Variants in RNF168 observed in about 807,000 individuals in gnomAD.
RNF168 encodes the protein ring finger protein 168, also known as E3 ubiquitin-protein ligase RNF168.
In RNF168, 34 loss-of-function variants were observed where a neutral mutation model predicts 34.9. The observed-to-expected ratio is 0.97, with a 90% CI of 0.74 to 1.30. The LOEUF (loss-of-function observed/expected upper bound fraction) is 1.30, where lower values mean the gene tolerates loss of function less well. RNF168 is among the 50% of genes most tolerant of loss of function. RNF168 has a pLI of 0.00. For missense variants in RNF168, 725 were observed against 682.5 expected, an observed-to-expected ratio of 1.06 and a Z score of -0.69; for synonymous variants, 264 against 254.7, an observed-to-expected ratio of 1.04 and a Z score of -0.35.
At chr3:196,485,698 C>T (rs1732406225) in intron 3 of RNF168, among the ~76,000 whole-genome samples, 2 of 151,940 alleles carry the variant, frequency 1.3e-5, no homozygotes, top group South Asian at 2.1e-4. Flanking sequence ...AATTTGGGTA[C>T]ATTATTATTA....
rs766611162 is a variant in RNF168, at chr3:196,483,762, T to TC, written c.680+7dup. 1.9e-6 allele frequency: 3 copies of TC among 1,609,378 alleles called. No individual in the cohort carries two copies. The highest frequency in any genetic ancestry group is 1.7e-6 in the Non-Finnish European group (2 of 1,175,844). The stretch of plus-strand genomic sequence containing the variant: ...GTCAACAAATAATTCATAGTCATGT[T>TC]CACTTACTTCTGAATATCTCCAGTG... On this transcript the variant is annotated splice_region_variant and intron_variant, in intron 4 of 5. Coordinates refer to ENST00000318037, the MANE Select transcript of RNF168 (RefSeq NM_152617.4).
At chr3:196,483,184 T>C (rs1266773527) in intron 4 of RNF168, among the ~76,000 whole-genome samples, 1 of 152,010 alleles carries the variant, frequency 6.6e-6, no homozygotes, top group Non-Finnish European at 1.5e-5. Context: ...TTTCAACAAA[T>C]CTTGGAAGGA....
At chr3:196,501,868 G>C (rs1732895869) in intron 1 of RNF168, among the ~76,000 whole-genome samples, 1 of 152,030 alleles carries the variant, frequency 6.6e-6, no homozygotes, top group South Asian at 2.1e-4. Context: ...TGGGATTACA[G>C]CTGTGAGCCA....
chr3:196,490,968 G>T (rs1219727985), intron 1 of RNF168, among the ~76,000 whole-genome samples: 2 of 152,176 alleles, frequency 1.3e-5, no homozygotes, highest in Non-Finnish European at 2.9e-5. Context: ...AACCCTGGAG[G>T]TATCTGAGAC....
At chr3:196,484,338 AT>A (rs1223028120) in intron 3 of RNF168, among the ~76,000 whole-genome samples, 1 of 149,746 alleles carries the variant, frequency 6.7e-6, no homozygotes, top group East Asian at 2.0e-4. Flanking sequence ...TGCCCGGCTA[AT>A]TTTTTGTATT....
At chr3:196,499,923 T>C (rs966226456) in intron 1 of RNF168, among the ~76,000 whole-genome samples, 2 of 152,172 alleles carry the variant, frequency 1.3e-5, no homozygotes, top group Non-Finnish European at 2.9e-5. Context: ...TCCTTAGTCA[T>C]TGGGGACATG....
rs1459096560 is a variant in RNF168 at position 196,487,381 on chromosome 3, T to C, written c.558+18A>G. On this transcript the variant is annotated intron_variant, in intron 3 of 5. Transcript: ENST00000318037. The stretch of plus-strand genomic sequence containing the variant: ...ACCAAGGGATGACCATACCTTAGCG[T>C]TCCCTCCTAAAACTTACAATATCAA... The C allele has an allele frequency of 3.1e-6, 5 of 1,606,136 alleles. No homozygotes were observed. The highest frequency in any genetic ancestry group is 2.7e-5 in the African/African-American group (2 of 74,758).
rs112984411 is a variant in RNF168 at position 196,492,344 on chromosome 3, A to T, written c.302-3661T>A. 3.9e-5 allele frequency among the ~76,000 whole-genome samples: 6 copies of T among 151,996 alleles called. No individual in the cohort carries two copies. In the South Asian group the frequency reaches 6.2e-4, roughly 16 times the overall value. On this transcript the variant is annotated intron_variant, in intron 1 of 5. Transcript: ENST00000318037. ...CAAGACCCCATCTTTGTTCAAAAAA[A>T]TTTTTTTTAAGTAGCTAATTTAGGA...
rs766657671 is a variant in RNF168, at chr3:196,472,172, T to A, written c.1363A>T (p.Lys455Ter). 3.1e-6 allele frequency: 5 copies of A among 1,614,032 alleles called. No homozygotes were observed. The highest frequency in any genetic ancestry group is 3.3e-5 in the Admixed American group (2 of 60,000). The change falls in exon 6 of 6, where the codon AAG (lysine) becomes TAG (stop). Residue 455 changes from lysine (K) to a stop codon, truncating the protein, a stop_gained. Transcript: ENST00000318037. LOFTEE classifies it high-confidence loss of function. Reference protein sequence around the residue: ...QDRLLALQLQKEVDKEQMVPN... With the variant: ...QDRLLALQLQ ...ACCATTTGCTCTTTATCCACCTCCT[T>A]CTGAAGTTGTAATGCCAATAACCTG...
chr3:196,488,743 G>T (rs1209547265), intron 1 of RNF168, 60 bp from the exon 2 acceptor site: 4 of 1,108,326 alleles, frequency 3.6e-6, no homozygotes, highest in Non-Finnish European at 2.8e-6. Context: ...GGTAACTTTG[G>T]TCTTCCATTA....
In RNF168 at chr3:196,472,698, T is replaced by C; in HGVS notation, c.837A>G (p.Pro279=). The change falls in exon 6 of 6, where the codon CCA becomes CCG. Residue 279 remains proline (P), a synonymous_variant. Coordinates refer to ENST00000318037, the MANE Select transcript of RNF168 (RefSeq NM_152617.4). Reference sequence around the variant, plus strand: ...GTTCTCCAACTCCAAGGGATATCTGTGGAGAAAGTGTCGGCATATCTTCTA... The same window carrying C: ...GTTCTCCAACTCCAAGGGATATCTGCGGAGAAAGTGTCGGCATATCTTCTA... ...TEIEDMPTLS[P]QISLGVGEQG... 1.2e-6 allele frequency: 2 copies of C among 1,607,176 alleles called. No homozygotes were observed. Among genetic ancestry groups the C allele is most frequent in the Non-Finnish European group, 1.7e-6 (2 of 1,174,058 alleles).
In RNF168 at chr3:196,472,333, G is replaced by T. The variant is rs3796129; in HGVS notation, c.1202C>A (p.Pro401Gln). ...QESSFEAVKD[P>Q]CFSAKRRKVS... ...TTTTCTTCTTTTTGCAGAAAAGCAT[G>T]GATCCTTGACTGCTTCAAAGGAAGA... The change falls in exon 6 of 6, where the codon CCA becomes CAA. Residue 401 changes from proline to glutamine, a missense_variant. Physicochemically the swap from Pro to Gln is moderately conservative, Grantham distance 76 (BLOSUM62 -1). Transcript: ENST00000318037. 0.59 allele frequency: 945,363 copies of T among 1,613,568 alleles called. 287,146 individuals carry two copies. Among genetic ancestry groups the T allele is most frequent in the Non-Finnish European group, 0.62 (733,467 of 1,179,684 alleles).
chr3:196,475,110 C>T, intron 5 of RNF168, 121 bp downstream of exon 5: 2 of 693,448 alleles, frequency 2.9e-6, no homozygotes, highest in South Asian at 3.1e-5. Flanking sequence ...CCTAAGAGGA[C>T]TCAGACAGGG....
At position 196,498,707 on chromosome 3, in the gene RNF168, T is replaced by C. The variant is rs548012156; in HGVS notation, c.301+4166A>G. 2.2e-3 allele frequency among the ~76,000 whole-genome samples: 330 copies of C among 152,104 alleles called. 1 individual carries two copies. The highest frequency in any genetic ancestry group is 3.5e-3 in the Non-Finnish European group (238 of 68,000). ...AAACGAATATCTACACAAGAATAAA[T>C]CTTGAGGCCAGGCGCGGTGGCTCAT... On this transcript the variant is annotated intron_variant, in intron 1 of 5. Coordinates refer to ENST00000318037, the MANE Select transcript of RNF168 (RefSeq NM_152617.4).
chr3:196,473,382 G>A (rs944740625), intron 5 of RNF168, among the ~76,000 whole-genome samples: 3 of 152,126 alleles, frequency 2.0e-5, no homozygotes, highest in Admixed American at 6.5e-5. Context: ...AAAAAAATGT[G>A]AGGTAATAAT....
At chr3:196,478,325 C>T (rs1732197496) in intron 4 of RNF168, among the ~76,000 whole-genome samples, 1 of 152,202 alleles carries the variant, frequency 6.6e-6, no homozygotes, top group Admixed American at 6.5e-5. Context: ...GTAAACTACT[C>T]TTGTGCCAGT....
chr3:196,496,791 G>A (rs1014351688), intron 1 of RNF168, among the ~76,000 whole-genome samples: 1 of 152,114 alleles, frequency 6.6e-6, no homozygotes. Flanking sequence ...ACTGCTTGAG[G>A]TGAGCTGTTC....
intron 1 of RNF168, among the ~76,000 whole-genome samples, chr3:196,502,348 A>C (rs1212078424): frequency 6.6e-6 from 1 of 152,174 alleles, no homozygotes; most frequent in Non-Finnish European, 1.5e-5. Flanking sequence ...GCATTTTGGC[A>C]GGCCGAGGCG....
intron 5 of RNF168, among the ~76,000 whole-genome samples, chr3:196,473,305 A>T (rs1188583277): frequency 6.6e-6 from 1 of 152,204 alleles, no homozygotes; most frequent in Non-Finnish European, 1.5e-5. Context: ...TTAACTAAAA[A>T]ATTAAGATAT....
Sources: gnomAD v4.1 joint callset for allele counts (sites outside exome capture counted in the v4.1 genomes callset) on GRCh38, gnomAD v4.1.1 for gene constraint, MANE v1.5 for transcripts, NCBI Gene and HGNC (gene_info 2026-07-23, HGNC 2026-07-21) for gene names.